The following SLC9A1 variants were observed in gnomAD, a reference collection of about 807,000 sequenced individuals.
The protein encoded by SLC9A1 is sodium/hydrogen exchanger 1.
SLC9A1 carries 22 observed loss-of-function variants against 67.9 expected under a neutral mutation model. That is an observed-to-expected ratio of 0.32 (90% CI 0.23 to 0.46). The LOEUF is 0.46. Ranked by LOEUF, SLC9A1 falls within the 20% of genes least tolerant of loss-of-function variation. The pLI is 1.00. For missense variants in SLC9A1, 686 were observed against 1,094.8 expected, an observed-to-expected ratio of 0.63 and a Z score of 5.27; for synonymous variants, 421 against 471.8, an observed-to-expected ratio of 0.89 and a Z score of 1.40.
intron 1 of SLC9A1, among the ~76,000 whole-genome samples, chr1:27,128,997 C>T (rs1249458026): frequency 1.3e-5 from 2 of 152,102 alleles, no homozygotes; most frequent in African/African-American, 4.8e-5. Context: ...CATGCACGCA[C>T]GCACGCATGC....
chr1:27,114,400 G>C lies in SLC9A1; in HGVS notation c.353-114C>G. On this transcript the variant is annotated intron_variant, in intron 1 of 11. Transcript: ENST00000263980. This position sits in a 1 kb window ranked among gnomAD's most constrained non-coding sequence, Gnocchi z 5.4. ...AGTTGGTGAGAGGTGCACAGGCTGGGTCTCAGAGGGCTGCTCTGTTAACTC... is the reference window on the plus strand; with the variant it reads ...AGTTGGTGAGAGGTGCACAGGCTGGCTCTCAGAGGGCTGCTCTGTTAACTC... 1 of 750,988 alleles carries C rather than the reference G, an allele frequency of 1.3e-6. No homozygotes were observed. The highest frequency in any genetic ancestry group is 2.2e-6 in the Non-Finnish European group (1 of 456,950). 46.5% of individuals were successfully genotyped at this position (750,988 alleles called of 1,614,324 possible). A position where few individuals can be genotyped will look rare whatever the true frequency, so the allele number is the denominator to read the frequency against.
Position 27,100,531 on chromosome 1 carries a change from A to G in SLC9A1, c.2224T>C (p.Leu742=). 1 of 1,614,070 alleles carries G rather than the reference A, an allele frequency of 6.2e-7. No homozygotes were observed. Among genetic ancestry groups the G allele is most frequent in the East Asian group, 2.2e-5 (1 of 44,884 alleles). The change falls in exon 12 of 12, where the codon TTA becomes CTA. Residue 742 remains leucine, a synonymous_variant. Coordinates refer to ENST00000263980, the MANE Select transcript of SLC9A1 (RefSeq NM_003047.5). The surrounding 1 kb of genome is among the most constrained non-coding windows in gnomAD (Gnocchi z 5.6). ...LVNEELKGKV[L]GLSRDPAKVA... is the part of the protein sequence containing the mutation. The stretch of plus-strand genomic sequence containing the variant: ...TTTGCAGGATCCCGGCTCAACCCTA[A>G]GACTTTGCCCTTCAGCTCTTCATTC...
rs2083123937 is a variant in SLC9A1, at chr1:27,099,537, C to T, written c.*770G>A. The T allele has an allele frequency of 1.3e-5, 2 of 152,590 alleles. No individual in the cohort carries two copies. Among genetic ancestry groups the T allele is most frequent in the Admixed American group, 1.3e-4 (2 of 15,282 alleles). The allele number at this position is 152,590 out of a possible 1,614,324, so 9.5% of individuals were successfully genotyped here. On this transcript the variant is annotated 3_prime_UTR_variant, in exon 12 of 12. Coordinates refer to ENST00000263980, the MANE Select transcript of SLC9A1 (RefSeq NM_003047.5). ...AATGTTTTAAAAACAGGAGCGCCCT[C>T]TGTGCAAACAATCATATATAGGAGT...
Position 27,109,864 on chromosome 1 carries a change from C to A in SLC9A1, c.814-87G>T. The A allele has an allele frequency of 6.8e-7, 1 of 1,468,010 alleles. No homozygotes were observed. 90.9% of individuals were successfully genotyped at this position (1,468,010 alleles called of 1,614,324 possible). A position where few individuals can be genotyped will look rare whatever the true frequency, so the allele number is the denominator to read the frequency against. ...GGTCCACCCAGGGCAATCCTGTCCCCTCCGTTAACCATGGCCACAAGAAGA... is the reference window on the plus strand; with the variant it reads ...GGTCCACCCAGGGCAATCCTGTCCCATCCGTTAACCATGGCCACAAGAAGA... On this transcript the variant is annotated intron_variant, in intron 2 of 11. Transcript: ENST00000263980. The surrounding 1 kb of genome is among the most constrained non-coding windows in gnomAD (Gnocchi z 5.5).
Position 27,114,016 on chromosome 1 carries a change from A to G in SLC9A1, c.623T>C (p.Met208Thr), listed in dbSNP as rs1006829451. The change falls in exon 2 of 12, where the codon ATG becomes ACG. Residue 208 changes from methionine to threonine, a missense_variant. Met to Thr is a moderately conservative substitution (Grantham distance 81). This residue lies in a region of SLC9A1 where 49 missense variants were observed against 73.1 expected (regional missense o/e 0.67). Transcript: ENST00000263980. This position sits in a 1 kb window ranked among gnomAD's most constrained non-coding sequence, Gnocchi z 5.4. ...ACCGCCCACCAGGCACACGGCGTAC[A>G]TGAGGCCGCCCAGGAAGAAGGCGTT... Reference protein sequence around the residue: ...LWNAFFLGGLMYAVCLVGGEQ... With the variant: ...LWNAFFLGGLTYAVCLVGGEQ... The G allele has an allele frequency of 6.8e-6, 11 of 1,614,174 alleles. No individual in the cohort carries two copies. In the Middle Eastern group the frequency reaches 8.2e-4, roughly 121 times the overall value.
In SLC9A1 at chr1:27,154,266, AACC is replaced by A; in HGVS notation, c.66_68del (p.Val23del). The stretch of plus-strand genomic sequence containing the variant: ...GAACAGGCAGCAGCCCCACCAAAGC[AACC>A]ACCACGAGTAAGGAAGGGAAGATCC... On this transcript the variant is annotated inframe_deletion, in exon 1 of 12. Coordinates refer to ENST00000263980, the MANE Select transcript of SLC9A1 (RefSeq NM_003047.5). 6.2e-7 allele frequency: 1 copy of A among 1,613,064 alleles called. No individual in the cohort carries two copies. Among genetic ancestry groups the A allele is most frequent in the Admixed American group, 1.7e-5 (1 of 59,920 alleles).
Position 27,118,874 on chromosome 1 carries a change from C to A in SLC9A1, c.353-4588G>T, listed in dbSNP as rs2083288233. 6.6e-6 allele frequency among the ~76,000 whole-genome samples: 1 copy of A among 152,138 alleles called. No individual in the cohort carries two copies. Among genetic ancestry groups the A allele is most frequent in the Non-Finnish European group, 1.5e-5 (1 of 68,028 alleles). The stretch of plus-strand genomic sequence containing the variant: ...GCCACACAGCCTTCTTCGAGGACGT[C>A]CAGTCCTCCCAGAACAAGGAGGCAC... On this transcript the variant is annotated intron_variant, in intron 1 of 11. Coordinates refer to ENST00000263980, the MANE Select transcript of SLC9A1 (RefSeq NM_003047.5). The surrounding 1 kb of genome is among the most constrained non-coding windows in gnomAD (Gnocchi z 4.3).
Position 27,114,334 on chromosome 1 carries a change from G to A in SLC9A1, c.353-48C>T. The A allele has an allele frequency of 6.6e-7, 1 of 1,512,778 alleles. No homozygotes were observed. Among genetic ancestry groups the A allele is most frequent in the Non-Finnish European group, 9.1e-7 (1 of 1,104,108 alleles). 93.7% of individuals were successfully genotyped at this position (1,512,778 alleles called of 1,614,324 possible). On this transcript the variant is annotated intron_variant, in intron 1 of 11. Coordinates refer to ENST00000263980, the MANE Select transcript of SLC9A1 (RefSeq NM_003047.5). The surrounding 1 kb of genome is among the most constrained non-coding windows in gnomAD (Gnocchi z 5.4). The stretch of plus-strand genomic sequence containing the variant: ...AGGCCATGGGCTTTCGGAGGAGCCA[G>A]GAGAATAGAAGGTTGGGGATGGGCC...
intron 1 of SLC9A1, among the ~76,000 whole-genome samples, chr1:27,123,410 G>A (rs2083318483): frequency 6.6e-6 from 1 of 152,058 alleles, no homozygotes; most frequent in Non-Finnish European, 1.5e-5. Context: ...TGCTTCTATG[G>A]GGCAGAGACT....
Position 27,099,425 on chromosome 1 carries a change from G to C in SLC9A1, c.*882C>G, listed in dbSNP as rs1461330176. 1 of 153,018 alleles carries C rather than the reference G, an allele frequency of 6.5e-6. No individual in the cohort carries two copies. Among genetic ancestry groups the C allele is most frequent in the Admixed American group, 6.5e-5 (1 of 15,282 alleles). The allele number at this position is 153,018 out of a possible 1,614,324, so 9.5% of individuals were successfully genotyped here. ...GGCAGAGAGACGTGGGGGAGGGGTT[G>C]GACAGACAGGCACAGATGAGGAAGG... is the stretch of plus-strand genomic sequence containing the variant. On this transcript the variant is annotated 3_prime_UTR_variant, in exon 12 of 12. Coordinates refer to ENST00000263980, the MANE Select transcript of SLC9A1 (RefSeq NM_003047.5).
intron 1 of SLC9A1, among the ~76,000 whole-genome samples, chr1:27,131,896 G>A (rs2083386852): frequency 7.1e-6 from 1 of 140,616 alleles, no homozygotes; most frequent in East Asian, 2.0e-4. Context: ...ATTCTAGCCT[G>A]GGCAATAGAG....
intron 1 of SLC9A1, among the ~76,000 whole-genome samples, chr1:27,143,046 T>TG (rs763501204): frequency 3.0e-5 from 3 of 98,462 alleles, no homozygotes. Flanking sequence ...ATCAACTGTG[T>TG]AAAAAAAAAA....
chr1:27,117,113 A>G (rs948696209), intron 1 of SLC9A1, among the ~76,000 whole-genome samples: 1 of 152,082 alleles, frequency 6.6e-6, no homozygotes, highest in Non-Finnish European at 1.5e-5. Context: ...CACCGAGATC[A>G]GTCAGACAAC....
intron 2 of SLC9A1, 142 bp downstream of exon 2, chr1:27,113,684 C>T: frequency 1.5e-6 from 1 of 680,282 alleles, no homozygotes; most frequent in Non-Finnish European, 2.6e-6. Flanking sequence ...AAGGGCTCAG[C>T]ATGGTGCCTG....
intron 1 of SLC9A1, among the ~76,000 whole-genome samples, chr1:27,127,536 AG>A (rs1396420200): frequency 6.6e-6 from 1 of 152,158 alleles, no homozygotes; most frequent in Non-Finnish European, 1.5e-5. Flanking sequence ...AGCCAAGGCC[AG>A]TTATGAAAGG....
At chr1:27,150,819 A>G (rs1286685191) in intron 1 of SLC9A1, among the ~76,000 whole-genome samples, 1 of 152,092 alleles carries the variant, frequency 6.6e-6, no homozygotes, top group Non-Finnish European at 1.5e-5. Context: ...GCTCTGCTCC[A>G]TGGTTAGGGT....
chr1:27,121,765 A>G lies in SLC9A1; in HGVS notation c.353-7479T>C, dbSNP rs1019087416. Among the ~76,000 whole-genome samples, 7 of 152,196 alleles carry G rather than the reference A, an allele frequency of 4.6e-5. No individual in the cohort carries two copies. The East Asian group carries it at 1.2e-3, about 25-fold the overall frequency. ...TGACTCCAGTGACCAGAAGTCCCCA[A>G]ATCCCACCTCTAAGCAAACAGCAGG... On this transcript the variant is annotated intron_variant, in intron 1 of 11. Transcript: ENST00000263980.
chr1:27,133,166 C>T (rs1216873504), intron 1 of SLC9A1, among the ~76,000 whole-genome samples: 1 of 152,020 alleles, frequency 6.6e-6, no homozygotes, highest in African/African-American at 2.4e-5. Flanking sequence ...CTCCTGGGTT[C>T]AAGCGATTCT....
intron 1 of SLC9A1, among the ~76,000 whole-genome samples, chr1:27,133,296 T>C (rs1469396926): frequency 6.6e-6 from 1 of 152,166 alleles, no homozygotes; most frequent in Admixed American, 6.5e-5. Context: ...CTCAAACTCC[T>C]GACCTCAAGC....
Sources: gnomAD v4.1 joint callset for allele counts (sites outside exome capture counted in the v4.1 genomes callset) on GRCh38, gnomAD v4.1.1 for gene constraint, gnomAD v4.1.1 regional missense constraint, Gnocchi (gnomAD v3.1) non-coding constraint, MANE v1.5 for transcripts, NCBI Gene and HGNC (gene_info 2026-07-23, HGNC 2026-07-21) for gene names.